The following UACA variants were observed in gnomAD, a reference collection of about 807,000 sequenced individuals.
UACA encodes the protein nuclear membrane binding protein.
Under a neutral mutation model 160.5 loss-of-function variants are expected in UACA, and 112 were observed. That is an observed-to-expected ratio of 0.70 (90% CI 0.60 to 0.82). UACA has a LOEUF of 0.82. Among genes scored for constraint, UACA ranks in the 40% least tolerant of loss-of-function variants. UACA has a pLI of 0.00. For missense variants in UACA, 1,574 were observed against 1,614.6 expected, an observed-to-expected ratio of 0.97 and a Z score of 0.43; for synonymous variants, 557 against 568.4, an observed-to-expected ratio of 0.98 and a Z score of 0.29.
At chr15:70,745,114 A>G (rs1297384061) in intron 1 of UACA, among the ~76,000 whole-genome samples, 1 of 152,126 alleles carries the variant, frequency 6.6e-6, no homozygotes, top group Non-Finnish European at 1.5e-5. Context: ...GAGAACTACA[A>G]ACCACTGCTG....
chr15:70,778,671 A>G, the UACA span: 2 of 152,230 alleles, frequency 1.3e-5, no homozygotes, highest in East Asian at 3.8e-4. Context: ...TGTATATGGT[A>G]ATTTATTCAC....
rs777192081 is a variant in UACA at position 70,669,082 on chromosome 15, C to T, written c.1602G>A (p.Gly534=). 11 of 1,614,002 alleles carry T rather than the reference C, an allele frequency of 6.8e-6. No individual in the cohort carries two copies. The highest frequency in any genetic ancestry group is 9.3e-6 in the Non-Finnish European group (11 of 1,179,976). Residue 534 remains glycine, a synonymous_variant, in exon 16 of 19, where the codon GGG becomes GGA. Transcript: ENST00000322954. ...KEHLTSEAAS[G]NHRLTEELKD... is the part of the protein sequence containing the mutation. ...TCAGTTCCTCGGTTAGTCTGTGATT[C>T]CCTGAGGCTGCTTCACTTGTTAAGT...
chr15:70,747,437 A>G (rs1049556073), intron 1 of UACA, among the ~76,000 whole-genome samples: 2 of 151,792 alleles, frequency 1.3e-5, no homozygotes. Flanking sequence ...TGTCATCATC[A>G]TGGCTCACTT....
chr15:70,699,900 GTT>G (rs1448887689), intron 1 of UACA, among the ~76,000 whole-genome samples: 6 of 151,954 alleles, frequency 3.9e-5, no homozygotes, highest in Non-Finnish European at 8.8e-5. Flanking sequence ...GGGAAAGCAT[GTT>G]TCTTTTGTTC....
chr15:70,658,321 C>A (rs1235560141), intron 18 of UACA, among the ~76,000 whole-genome samples: 1 of 152,114 alleles, frequency 6.6e-6, no homozygotes, highest in African/African-American at 2.4e-5. Context: ...TATTTCCAAT[C>A]TTAATGGAAA....
At chr15:70,727,769 T>C (rs1399259643) in intron 1 of UACA, among the ~76,000 whole-genome samples, 1 of 152,246 alleles carries the variant, frequency 6.6e-6, no homozygotes, top group Non-Finnish European at 1.5e-5. Context: ...TTCTACTTAA[T>C]ATAGCCAGTA....
chr15:70,677,122 C>A lies in UACA; in HGVS notation c.1018G>T (p.Asp340Tyr). The A allele has an allele frequency of 1.2e-6, 2 of 1,603,080 alleles. No individual in the cohort carries two copies. The highest frequency in any genetic ancestry group is 1.7e-6 in the Non-Finnish European group (2 of 1,174,854). The change falls in exon 12 of 19, where the codon GAT becomes TAT. Residue 340 changes from aspartate (D) to tyrosine (Y), a missense_variant. Coordinates refer to ENST00000322954, the MANE Select transcript of UACA (RefSeq NM_018003.4). The part of the protein sequence containing the change: ...QLNEEVMVAD[D>Y]LESEREKLKS... ...TGTCACCCTACCTCGCTTTCCAGATCATCAGCAACCATAACTTCCTAAATT... is the reference window on the plus strand; with the variant it reads ...TGTCACCCTACCTCGCTTTCCAGATAATCAGCAACCATAACTTCCTAAATT...
At chr15:70,776,194 A>G in the UACA span, among the ~76,000 whole-genome samples, 2 of 152,244 alleles carry the variant, frequency 1.3e-5, no homozygotes, top group Non-Finnish European at 2.9e-5. Flanking sequence ...CAAAAAATAA[A>G]TGAATAACAA....
intron 1 of UACA, among the ~76,000 whole-genome samples, chr15:70,719,156 G>A (rs1236530389): frequency 1.3e-5 from 2 of 151,690 alleles, no homozygotes; most frequent in Admixed American, 1.3e-4. Context: ...GAGAAGAGAA[G>A]AGGCTCAGAA....
chr15:70,747,618 T>C (rs1255324833), intron 1 of UACA, among the ~76,000 whole-genome samples: 2 of 152,100 alleles, frequency 1.3e-5, no homozygotes, highest in South Asian at 2.1e-4. Flanking sequence ...TCTGGTAGGG[T>C]AGAAAAGCAA....
In UACA at chr15:70,656,943, T is replaced by A; in HGVS notation, c.*113A>T. On this transcript the variant is annotated 3_prime_UTR_variant, in exon 19 of 19. Transcript: ENST00000322954. The stretch of plus-strand genomic sequence containing the variant: ...AAAAAAACCTACCAATAGAACAAAA[T>A]ATATTTTATTTTAATTATACCAGCA... The A allele has an allele frequency of 1.4e-6, 1 of 691,392 alleles. No homozygotes were observed. 42.8% of individuals were successfully genotyped at this position (691,392 alleles called of 1,614,324 possible).
At position 70,669,070 on chromosome 15, in the gene UACA, T is replaced by G. The variant is rs1897044431; in HGVS notation, c.1614A>C (p.Leu538=). 6.2e-7 allele frequency: 1 copy of G among 1,614,126 alleles called. No homozygotes were observed. Among genetic ancestry groups the G allele is most frequent in the Non-Finnish European group, 8.5e-7 (1 of 1,180,016 alleles). The change falls in exon 16 of 19, where the codon CTA becomes CTC. Residue 538 remains leucine, a synonymous_variant. Coordinates refer to ENST00000322954, the MANE Select transcript of UACA (RefSeq NM_018003.4). ...TSEAASGNHR[L]TEELKDQLKD... ...TCAACTGATCCTTCAGTTCCTCGGT[T>G]AGTCTGTGATTCCCTGAGGCTGCTT...
chr15:70,692,106 C>A (rs1299500636), intron 3 of UACA, among the ~76,000 whole-genome samples: 1 of 152,202 alleles, frequency 6.6e-6, no homozygotes, highest in East Asian at 1.9e-4. Context: ...TTTAACCAGG[C>A]TATTCCAACT....
Position 70,699,600 on chromosome 15 carries a change from C to CA in UACA, c.138dup (p.Val47CysfsTer10). The CA allele has an allele frequency of 6.2e-7, 1 of 1,611,178 alleles. No homozygotes were observed. Among genetic ancestry groups the CA allele is most frequent in the East Asian group, 2.2e-5 (1 of 44,800 alleles). On this transcript the variant is annotated frameshift_variant, in exon 2 of 19. Coordinates refer to ENST00000322954, the MANE Select transcript of UACA (RefSeq NM_018003.4). LOFTEE classifies it high-confidence loss of function. Reference sequence around the variant, plus strand: ...GCAAGGATTGAGGTCACTTTTTCTACATCCCCCCTTTCTGCTGCTTTCATC... The same window carrying CA: ...GCAAGGATTGAGGTCACTTTTTCTACAATCCCCCCTTTCTGCTGCTTTCATC...
Position 70,656,937 on chromosome 15 carries a change from A to T in UACA, c.*119T>A. On this transcript the variant is annotated 3_prime_UTR_variant, in exon 19 of 19. Coordinates refer to ENST00000322954, the MANE Select transcript of UACA (RefSeq NM_018003.4). ...TTTTAAAAAAAAACCTACCAATAGA[A>T]CAAAATATATTTTATTTTAATTATA... The T allele has an allele frequency of 3.0e-6, 2 of 666,240 alleles. No individual in the cohort carries two copies. The highest frequency in any genetic ancestry group is 4.8e-6 in the Non-Finnish European group (2 of 415,884). The allele number at this position is 666,240 out of a possible 1,614,324, so 41.3% of individuals were successfully genotyped here. A position where few individuals can be genotyped will look rare whatever the true frequency, so the allele number is the denominator to read the frequency against.
chr15:70,700,318 T>TATATATATACACACACACAC (rs565377949), intron 1 of UACA, among the ~76,000 whole-genome samples: 2 of 139,762 alleles, frequency 1.4e-5, no homozygotes, highest in African/African-American at 5.8e-5. Context: ...TATATATATA[T>TATATATATACACACACACAC]ACACACACAC....
chr15:70,763,695 G>C (rs1482362013), upstream of UACA: 20 of 398,260 alleles, frequency 5.0e-5, no homozygotes, highest in Non-Finnish European at 7.4e-5. Context: ...TCCTCTCCCA[G>C]CTGGAGGAAA....
intron 1 of UACA, among the ~76,000 whole-genome samples, chr15:70,750,688 G>A (rs2029992607): frequency 6.6e-6 from 1 of 152,176 alleles, no homozygotes; most frequent in African/African-American, 2.4e-5. Context: ...GGGCAACACA[G>A]TGAGACCCCT....
chr15:70,665,282 G>GA (rs1363425250), intron 16 of UACA, among the ~76,000 whole-genome samples: 2 of 151,762 alleles, frequency 1.3e-5, no homozygotes, highest in South Asian at 2.1e-4. Flanking sequence ...GTTGTAGAGA[G>GA]AAAAAAAACA....
Sources: allele counts gnomAD v4.1 joint callset (sites outside exome capture counted in the v4.1 genomes callset), GRCh38; gene constraint gnomAD v4.1.1; transcripts MANE v1.5; gene names NCBI Gene and HGNC (gene_info 2026-07-23, HGNC 2026-07-21).